The following MMRN1 variants were observed in gnomAD, a reference collection of about 807,000 sequenced individuals.
MMRN1 encodes multimerin-1.
A neutral mutation model predicts 100.7 loss-of-function variants in MMRN1; 94 were observed. The ratio of observed to expected loss-of-function variants is 0.93; its 90% CI spans 0.79 to 1.11. MMRN1 has a LOEUF of 1.11. MMRN1 is among the 50% of genes least tolerant of loss of function. MMRN1 has a pLI of 0.00. For missense variants in MMRN1, 1,606 were observed against 1,439.1 expected (o/e 1.12, Z -1.88); for synonymous variants, 575 against 505.0 (o/e 1.14, Z -1.86).
chr4:89,894,392 A>T (rs1178458365), upstream of MMRN1, among the ~76,000 whole-genome samples: 1 of 152,194 alleles, frequency 6.6e-6, no homozygotes, highest in Non-Finnish European at 1.5e-5. Context: ...GAGTATATGT[A>T]CTATATGAAA....
At chr4:89,937,905 T>C (rs1235721287) in intron 6 of MMRN1, among the ~76,000 whole-genome samples, 1 of 152,094 alleles carries the variant, frequency 6.6e-6, no homozygotes, top group East Asian at 1.9e-4. Context: ...ATAGTACCTC[T>C]GTATGAAGGA....
chr4:89,907,755 C>T (rs1204292100), intron 1 of MMRN1, among the ~76,000 whole-genome samples: 2 of 150,324 alleles, frequency 1.3e-5, no homozygotes, highest in Non-Finnish European at 3.0e-5. Context: ...GTATACTTCT[C>T]GTTCTATTTA....
chr4:89,913,532 T>C (rs540527950), intron 3 of MMRN1, among the ~76,000 whole-genome samples: 9 of 151,420 alleles, frequency 5.9e-5, no homozygotes, highest in African/African-American at 1.7e-4. Context: ...AGAACATCAC[T>C]GTAAATATAG....
At position 89,895,018 on chromosome 4, in the gene MMRN1, G is replaced by A. The variant is rs1374890443; in HGVS notation, c.47G>A (p.Gly16Glu). The A allele has an allele frequency of 6.2e-7, 1 of 1,613,600 alleles. No individual in the cohort carries two copies. The highest frequency in any genetic ancestry group is 1.7e-5 in the Admixed American group (1 of 59,960). Reference sequence around the variant, plus strand: ...GTCCTTCTTTCTAGTTTATGGAGTGGGGGCATTGGGCTTAACAACAGTAAG... The same window carrying A: ...GTCCTTCTTTCTAGTTTATGGAGTGAGGGCATTGGGCTTAACAACAGTAAG... ...LFVLLSSLWS[G>E]GIGLNNSKHS... The change falls in exon 1 of 8, where the codon GGG (glycine) becomes GAG (glutamate). Residue 16 changes from glycine to glutamate, a missense_variant. Transcript: ENST00000264790.
Position 89,924,549 on chromosome 4 carries a change from T to A in MMRN1, c.955+1277T>A, listed in dbSNP as rs190123993. On this transcript the variant is annotated intron_variant, in intron 4 of 7. Coordinates refer to ENST00000264790, the MANE Select transcript of MMRN1 (RefSeq NM_007351.3). ...ATATATATTAATTTTTAATTAAAAA[T>A]TTAAGTGATTTTAAGCTGGGCACAG... Among the ~76,000 whole-genome samples, 1,474 of 151,524 alleles carry A rather than the reference T, an allele frequency of 9.7e-3. 25 individuals carry two copies. Among genetic ancestry groups the A allele is most frequent in the African/African-American group, 0.033 (1,359 of 41,422 alleles).
intron 6 of MMRN1, among the ~76,000 whole-genome samples, chr4:89,939,216 T>A (rs1370871115): frequency 6.6e-6 from 1 of 152,128 alleles, no homozygotes; most frequent in African/African-American, 2.4e-5. Flanking sequence ...TGATATTGTA[T>A]AAGTATTATA....
intron 6 of MMRN1, among the ~76,000 whole-genome samples, chr4:89,945,872 T>TAA (rs1240820716): frequency 6.6e-6 from 1 of 152,010 alleles, no homozygotes; most frequent in African/African-American, 2.4e-5. Flanking sequence ...TGGTGTGATA[T>TAA]AAAAAGAATA....
chr4:89,936,407 A>G lies in MMRN1; in HGVS notation c.2727A>G (p.Lys909=), dbSNP rs1041105543. The G allele has an allele frequency of 1.9e-6, 3 of 1,609,458 alleles. No homozygotes were observed. The highest frequency in any genetic ancestry group is 1.7e-6 in the Non-Finnish European group (2 of 1,178,670). ...LNSRFKALEA[K]SIHLSINFFS... ...CCAGATTTAAGGCGTTGGAAGCAAAATCTATCCATCTTTCAATTAACTTCT... is the reference window on the plus strand; with the variant it reads ...CCAGATTTAAGGCGTTGGAAGCAAAGTCTATCCATCTTTCAATTAACTTCT... The change falls in exon 6 of 8, where the codon AAA becomes AAG. Residue 909 remains lysine (K), a synonymous_variant. Transcript: ENST00000264790.
At chr4:89,887,033 A>G (rs933681062) in intron 1 of MMRN1, among the ~76,000 whole-genome samples, 1 of 152,106 alleles carries the variant, frequency 6.6e-6, no homozygotes, top group Admixed American at 6.6e-5. Context: ...CCAGCCTGTG[A>G]TAACCAAAAT....
chr4:89,890,233 CTT>C (rs111715316), upstream of MMRN1, among the ~76,000 whole-genome samples: 174 of 133,162 alleles, frequency 1.3e-3, no homozygotes, highest in African/African-American at 4.3e-3. Flanking sequence ...TTTTATTTTG[CTT>C]TTTTTTTTTT....
chr4:89,901,296 A>C (rs1488622784), intron 1 of MMRN1, among the ~76,000 whole-genome samples: 3 of 152,070 alleles, frequency 2.0e-5, no homozygotes, highest in Non-Finnish European at 2.9e-5. Flanking sequence ...GAAGGGTCAG[A>C]GGAAGGTAAA....
chr4:89,936,544 A>G lies in MMRN1; in HGVS notation c.2864A>G (p.Asp955Gly), dbSNP rs189026384. 8.1e-6 allele frequency: 13 copies of G among 1,612,986 alleles called. No homozygotes were observed. Among genetic ancestry groups the G allele is most frequent in the Non-Finnish European group, 1.1e-5 (13 of 1,179,558 alleles). Reference sequence around the variant, plus strand: ...AAGTGGATAAAACATTCCCTGCCAGATATTCAACTTCTTCAGAAAGGTCTA... The same window carrying G: ...AAGTGGATAAAACATTCCCTGCCAGGTATTCAACTTCTTCAGAAAGGTCTA... Reference protein sequence around the residue: ...IPKWIKHSLPDIQLLQKGLTE... With the variant: ...IPKWIKHSLPGIQLLQKGLTE... Residue 955 changes from aspartate to glycine, a missense_variant, in exon 6 of 8, where the codon GAT becomes GGT. Transcript: ENST00000264790.
At chr4:89,901,772 ACT>A (rs1235233395) in intron 1 of MMRN1, among the ~76,000 whole-genome samples, 1 of 151,938 alleles carries the variant, frequency 6.6e-6, no homozygotes, top group Non-Finnish European at 1.5e-5. Context: ...TGCTGTTTCT[ACT>A]CTGTTACTAT....
In MMRN1 at chr4:89,936,231, A is replaced by C; in HGVS notation, c.2551A>C (p.Thr851Pro). Residue 851 changes from threonine (T) to proline (P), a missense_variant, in exon 6 of 8, where the codon ACT becomes CCT. Transcript: ENST00000264790. ...MSHLEEKLLL[T>P]TKISKNFETR... Reference sequence around the variant, plus strand: ...TCATTTGGAAGAAAAACTACTCTTAACTACCAAGATTTCCAAAAATTTTGA... The same window carrying C: ...TCATTTGGAAGAAAAACTACTCTTACCTACCAAGATTTCCAAAAATTTTGA... The C allele has an allele frequency of 6.2e-7, 1 of 1,605,600 alleles. No individual in the cohort carries two copies. The highest frequency in any genetic ancestry group is 1.1e-5 in the South Asian group (1 of 88,696).
At chr4:89,934,160 T>A (rs569319940) in intron 5 of MMRN1, among the ~76,000 whole-genome samples, 1 of 152,124 alleles carries the variant, frequency 6.6e-6, no homozygotes, top group African/African-American at 2.4e-5. Context: ...ATTAATGTCA[T>A]ACTATAATAA....
intron 3 of MMRN1, among the ~76,000 whole-genome samples, chr4:89,921,013 A>G (rs1038196916): frequency 6.6e-6 from 1 of 152,140 alleles, no homozygotes; most frequent in Non-Finnish European, 1.5e-5. Flanking sequence ...AATAAAAGTT[A>G]ATGATAGAAA....
intron 4 of MMRN1, among the ~76,000 whole-genome samples, chr4:89,926,716 C>G (rs1722276356): frequency 6.6e-6 from 1 of 152,056 alleles, no homozygotes; most frequent in Non-Finnish European, 1.5e-5. Context: ...GACCAAATGT[C>G]CTAGATACTT....
chr4:89,938,511 ATTT>A (rs77455864), intron 6 of MMRN1, among the ~76,000 whole-genome samples: 5 of 78,454 alleles, frequency 6.4e-5, no homozygotes, highest in African/African-American at 2.4e-4. Flanking sequence ...ATATATATAT[ATTT>A]AAAATATATA....
At chr4:89,910,341 C>A (rs1369657816) in intron 2 of MMRN1, among the ~76,000 whole-genome samples, 3 of 151,360 alleles carry the variant, frequency 2.0e-5, no homozygotes, top group African/African-American at 7.3e-5. Flanking sequence ...AAAAATTTAC[C>A]ACAGTAGCCC....
Sources: gnomAD v4.1 joint callset for allele counts (sites outside exome capture counted in the v4.1 genomes callset) on GRCh38, gnomAD v4.1.1 for gene constraint, MANE v1.5 for transcripts, NCBI Gene and HGNC (gene_info 2026-07-23, HGNC 2026-07-21) for gene names.